Variants in HDHD2 observed in about 807,000 individuals in gnomAD.
The protein encoded by HDHD2 is haloacid dehalogenase-like hydrolase domain-containing protein 2.
In HDHD2, 26 loss-of-function variants were observed where a neutral mutation model predicts 24.8. That is an observed-to-expected ratio of 1.05 (90% CI 0.77 to 1.45). HDHD2 has a LOEUF of 1.45. Ranked by LOEUF, HDHD2 falls within the 40% of genes most tolerant of loss-of-function variation. The pLI is 0.00. For synonymous variants in HDHD2, 128 were observed against 114.9 expected, an observed-to-expected ratio of 1.11 and a Z score of -0.73; for missense variants, 299 against 313.4, an observed-to-expected ratio of 0.95 and a Z score of 0.35.
chr18:47,149,943 CTCTT>C (rs2063913343), intron 1 of HDHD2: 3 of 152,704 alleles, frequency 2.0e-5, no homozygotes, highest in East Asian at 1.9e-4. Context: ...CAACAACAAA[CTCTT>C]TCAGCACCAA....
intron 6 of HDHD2, among the ~76,000 whole-genome samples, chr18:47,112,075 C>T (rs2063520129): frequency 6.6e-6 from 1 of 152,184 alleles, no homozygotes; most frequent in Admixed American, 6.5e-5. Context: ...CCAAATGCAG[C>T]AGGTGCCATT....
In HDHD2 at chr18:47,115,264, T is replaced by C. The variant is rs1292738002; in HGVS notation, c.480A>G (p.Gly160=). Residue 160 remains glycine (G), a synonymous_variant, in exon 5 of 7, where the codon GGA becomes GGG. Transcript: ENST00000300605. ...CATACTCTAAAGCAGTCACAAATGG[T>C]CCAGGCCCCAGGGCTAAGCCATCTT... is the stretch of plus-strand genomic sequence containing the variant. ...KRKDGLALGP[G]PFVTALEYAT... is the part of the protein sequence containing the mutation. 2 of 1,613,916 alleles carry C rather than the reference T, an allele frequency of 1.2e-6. No homozygotes were observed. Among genetic ancestry groups the C allele is most frequent in the African/African-American group, 2.7e-5 (2 of 74,886 alleles).
At chr18:47,142,114 G>A (rs2063824832) in intron 1 of HDHD2, among the ~76,000 whole-genome samples, 1 of 152,130 alleles carries the variant, frequency 6.6e-6, no homozygotes, top group African/African-American at 2.4e-5. Context: ...CATCTTTCCT[G>A]TATAAATTAC....
Position 47,108,707 on chromosome 18 carries a change from T to G in HDHD2, c.755A>C (p.Asp252Ala). 1.2e-6 allele frequency: 2 copies of G among 1,605,180 alleles called. No homozygotes were observed. Among genetic ancestry groups the G allele is most frequent in the Non-Finnish European group, 1.7e-6 (2 of 1,172,580 alleles). The change falls in exon 7 of 7, where the codon GAC (aspartate) becomes GCC (alanine). Residue 252 changes from aspartate to alanine, a missense_variant. Asp to Ala is a moderately radical substitution (Grantham distance 126). Transcript: ENST00000300605. ...LTCESFPHAV[D>A]HILQHLL ...TCACAATAGGTGCTGCAGAATGTGG[T>G]CCACAGCATGAGGGAAACTCTCACA...
At position 47,134,477 on chromosome 18, in the gene HDHD2, T is replaced by A. The variant is rs767285350; in HGVS notation, c.310+19A>T. The A allele has an allele frequency of 1.9e-6, 3 of 1,574,522 alleles. No individual in the cohort carries two copies. In the African/African-American group the frequency reaches 4.1e-5, roughly 21 times the overall value. ...TACATATAAATATCCAATCTTTAAA[T>A]TTTCCAAATTTCCCCTACCTTTGAA... On this transcript the variant is annotated intron_variant, in intron 3 of 6. Transcript: ENST00000300605.
chr18:47,108,038 T>C lies in HDHD2; in HGVS notation c.*644A>G, dbSNP rs1432652333. On this transcript the variant is annotated 3_prime_UTR_variant, in exon 7 of 7. Coordinates refer to ENST00000300605, the MANE Select transcript of HDHD2 (RefSeq NM_032124.5). ...TAGGTTATTAATGGAAATATTAATTTAAATTAAAATCTGGTTCTAAATTTA... is the reference window on the plus strand; with the variant it reads ...TAGGTTATTAATGGAAATATTAATTCAAATTAAAATCTGGTTCTAAATTTA... The C allele has an allele frequency of 6.5e-6, 1 of 152,682 alleles. No homozygotes were observed. The highest frequency in any genetic ancestry group is 2.4e-5 in the African/African-American group (1 of 41,468). 9.5% of individuals were successfully genotyped at this position (152,682 alleles called of 1,614,324 possible). A position where few individuals can be genotyped will look rare whatever the true frequency, so the allele number is the denominator to read the frequency against.
intron 4 of HDHD2, among the ~76,000 whole-genome samples, chr18:47,125,790 A>G (rs994100170): frequency 4.6e-5 from 7 of 152,210 alleles, no homozygotes; most frequent in African/African-American, 1.7e-4. Context: ...TATCTTGATC[A>G]CCAAATGGGG....
chr18:47,145,407 T>A (rs1022572984), intron 1 of HDHD2, among the ~76,000 whole-genome samples: 1 of 152,148 alleles, frequency 6.6e-6, no homozygotes, highest in Admixed American at 6.5e-5. Context: ...TAAAATGGTG[T>A]GGTATTAGTA....
In HDHD2 at chr18:47,130,330, T is replaced by C; in HGVS notation, c.311-2A>G. The C allele has an allele frequency of 1.9e-6, 3 of 1,571,208 alleles. No homozygotes were observed. The highest frequency in any genetic ancestry group is 2.6e-6 in the Non-Finnish European group (3 of 1,156,638). On this transcript the variant is annotated splice_acceptor_variant, in intron 3 of 6. Transcript: ENST00000300605. LOFTEE classifies it high-confidence loss of function. ...CATTAGGATCACTTGTTTGTATTCC[T>C]GGGAACGGAAAAAAAAAATGATTGT...
chr18:47,148,145 C>T (rs2063892124), intron 1 of HDHD2, among the ~76,000 whole-genome samples: 1 of 152,152 alleles, frequency 6.6e-6, no homozygotes, highest in Non-Finnish European at 1.5e-5. Context: ...TGTGCACCAC[C>T]ACGCCCACCT....
At chr18:47,115,095 G>A (rs62096470) in intron 5 of HDHD2, 37 bp downstream of exon 5, 2 of 1,499,470 alleles carry the variant, frequency 1.3e-6, no homozygotes, top group South Asian at 2.3e-5. Flanking sequence ...CAGCACAACA[G>A]GTGAGCTGGG....
chr18:47,134,787 C>A, intron 2 of HDHD2, 83 bp from the exon 3 acceptor site: 3 of 1,127,664 alleles, frequency 2.7e-6, no homozygotes, highest in Non-Finnish European at 3.9e-6. Context: ...AAAACTGTGC[C>A]AAATGTTTTT....
intron 4 of HDHD2, among the ~76,000 whole-genome samples, chr18:47,121,129 A>G (rs1457986109): frequency 6.6e-6 from 1 of 151,952 alleles, no homozygotes; most frequent in East Asian, 1.9e-4. Context: ...AATGCAAGTG[A>G]AGCGCGATAA....
intron 1 of HDHD2, among the ~76,000 whole-genome samples, chr18:47,137,996 T>G (rs540858039): frequency 4.7e-4 from 71 of 151,380 alleles, no homozygotes; most frequent in African/African-American, 1.7e-3. Flanking sequence ...CGTCTCTGCA[T>G]CTCTACTAAA....
chr18:47,147,105 C>T (rs1302361401), intron 1 of HDHD2, among the ~76,000 whole-genome samples: 1 of 151,990 alleles, frequency 6.6e-6, no homozygotes, highest in Non-Finnish European at 1.5e-5. Context: ...TAAATTAGTC[C>T]AGTAGTCCAG....
At chr18:47,111,229 G>C (rs1183887526) in intron 6 of HDHD2, 19 of 985,186 alleles carry the variant, frequency 1.9e-5, no homozygotes, top group Non-Finnish European at 2.3e-5. Context: ...ACTGATGCCT[G>C]TGAAAGGCTG....
At chr18:47,134,191 A>C (rs1298710587) in intron 3 of HDHD2, among the ~76,000 whole-genome samples, 1 of 152,246 alleles carries the variant, frequency 6.6e-6, no homozygotes. Context: ...CAGCATCATA[A>C]TCAAACAATC....
chr18:47,132,028 CT>C (rs911275446), intron 3 of HDHD2, among the ~76,000 whole-genome samples: 4 of 152,114 alleles, frequency 2.6e-5, no homozygotes, highest in Non-Finnish European at 4.4e-5. Context: ...GTAATGGGGA[CT>C]TTTTTAAAAG....
chr18:47,142,458 A>C (rs559188962), intron 1 of HDHD2, among the ~76,000 whole-genome samples: 16 of 152,204 alleles, frequency 1.1e-4, no homozygotes, highest in African/African-American at 3.1e-4. Context: ...AAAAAACCCC[A>C]AAAAACCCTA....
Sources: gnomAD v4.1 joint callset for allele counts (sites outside exome capture counted in the v4.1 genomes callset) on GRCh38, gnomAD v4.1.1 for gene constraint, MANE v1.5 for transcripts, NCBI Gene and HGNC (gene_info 2026-07-23, HGNC 2026-07-21) for gene names.